The following SCN8A variants were observed in gnomAD, a reference collection of about 807,000 sequenced individuals.
SCN8A encodes the protein sodium voltage-gated channel alpha subunit 8.
A neutral mutation model predicts 184.1 loss-of-function variants in SCN8A; 30 were observed. The observed-to-expected ratio is 0.16, with a 90% CI of 0.12 to 0.22. The LOEUF is 0.22. SCN8A is among the 10% of genes least tolerant of loss of function. SCN8A has a pLI of 1.00. For missense variants in SCN8A, 1,057 were observed against 2,498.9 expected (o/e 0.42, Z 12.30); for synonymous variants, 852 against 907.0 (o/e 0.94, Z 1.09).
chr12:51,630,836 A>G (rs969951939), intron 1 of SCN8A, among the ~76,000 whole-genome samples: 17 of 152,124 alleles, frequency 1.1e-4, no homozygotes, highest in Admixed American at 8.5e-4. Context: ...ACAATTTCCA[A>G]TCAATGTTCT....
At chr12:51,638,488 CT>C (rs764486546) in intron 1 of SCN8A, among the ~76,000 whole-genome samples, 555 of 139,554 alleles carry the variant, frequency 4.0e-3, no homozygotes, top group East Asian at 0.013. Context: ...GGAGTTATTC[CT>C]TTTTTTTTTT....
chr12:51,793,393 A>G (rs1440473669), intron 25 of SCN8A, among the ~76,000 whole-genome samples: 1 of 152,150 alleles, frequency 6.6e-6, no homozygotes, highest in Non-Finnish European at 1.5e-5. Context: ...CTTTGGACTT[A>G]ACTGTGAGAG....
chr12:51,713,552 A>T, intron 11 of SCN8A: 4 of 733,760 alleles, frequency 5.5e-6, no homozygotes, highest in Non-Finnish European at 9.9e-6. Flanking sequence ...TGCCGGTGGC[A>T]ATGTCGACGG....
intron 19 of SCN8A, 73 bp from the exon 20 acceptor site, chr12:51,774,116 T>G: frequency 6.9e-7 from 1 of 1,443,058 alleles, no homozygotes; most frequent in Non-Finnish European, 9.5e-7. Context: ...GACGGCTCCC[T>G]GAGGATAGCA....
intron 11 of SCN8A, among the ~76,000 whole-genome samples, chr12:51,721,106 T>TATATATATATATAA (rs1179556945): frequency 3.1e-4 from 33 of 106,098 alleles, no homozygotes; most frequent in African/African-American, 1.0e-3. Flanking sequence ...TATATATATA[T>TATATATATATATAA]AATATTTATT....
chr12:51,709,212 AT>A, intron 11 of SCN8A, among the ~76,000 whole-genome samples: 1 of 152,352 alleles, frequency 6.6e-6, no homozygotes, highest in Non-Finnish European at 1.5e-5. Context: ...AGTTTGAATT[AT>A]TTGTTGGATA....
chr12:51,633,661 G>A (rs978971593), intron 1 of SCN8A, among the ~76,000 whole-genome samples: 1 of 152,138 alleles, frequency 6.6e-6, no homozygotes, highest in Non-Finnish European at 1.5e-5. Context: ...GGCAGTTGGG[G>A]TGTACTCACT....
chr12:51,648,575 C>G (rs2138646872), intron 1 of SCN8A, among the ~76,000 whole-genome samples: 1 of 152,190 alleles, frequency 6.6e-6, no homozygotes, highest in East Asian at 1.9e-4. Flanking sequence ...AGGCGAAAGG[C>G]AATTCTTACA....
intron 1 of SCN8A, among the ~76,000 whole-genome samples, chr12:51,649,977 T>C (rs1940673676): frequency 6.6e-6 from 1 of 152,214 alleles, no homozygotes; most frequent in African/African-American, 2.4e-5. Context: ...AGCATCCAAG[T>C]CACCTCTTGA....
intron 1 of SCN8A, 54 bp from the exon 2 acceptor site, chr12:51,662,710 C>A: frequency 3.6e-6 from 4 of 1,114,738 alleles, no homozygotes; most frequent in Admixed American, 4.4e-5. Context: ...TTTAGTCTGG[C>A]CTCTTTTTAG....
chr12:51,805,408 ACCC>A (rs1157644502), intron 26 of SCN8A, among the ~76,000 whole-genome samples: 1 of 151,872 alleles, frequency 6.6e-6, no homozygotes, highest in East Asian at 1.9e-4. Context: ...ACATAGCAAG[ACCC>A]CCATCTCTAC....
chr12:51,648,616 A>G (rs1225314416), intron 1 of SCN8A, among the ~76,000 whole-genome samples: 1 of 152,182 alleles, frequency 6.6e-6, no homozygotes, highest in Non-Finnish European at 1.5e-5. Context: ...GAAAAGATGC[A>G]AAAGCGGAAA....
At chr12:51,745,862 C>G (rs1043175927) in intron 12 of SCN8A, 41 bp from the exon 13 acceptor site, 40 of 1,496,182 alleles carry the variant, frequency 2.7e-5, no homozygotes, top group Non-Finnish European at 3.6e-5. Context: ...CCTTTATAGA[C>G]TTAACTCACT....
At chr12:51,650,474 C>A (rs150236615) in intron 1 of SCN8A, among the ~76,000 whole-genome samples, 11 of 151,396 alleles carry the variant, frequency 7.3e-5, no homozygotes, top group Admixed American at 6.6e-4. Context: ...GCTGAGGAGG[C>A]CTCACGATCA....
In SCN8A at chr12:51,751,609, G is replaced by C. The variant is rs1474080532; in HGVS notation, c.2370+16G>C. ...AGGAAATCTGGTAAGATGGAACACT[G>C]TCTCCCGATATTAGGATTGGAATGT... On this transcript the variant is annotated intron_variant, in intron 14 of 26. Transcript: ENST00000627620. The C allele has an allele frequency of 1.3e-6, 2 of 1,552,918 alleles. No homozygotes were observed. Among genetic ancestry groups the C allele is most frequent in the East Asian group, 4.5e-5 (2 of 44,558 alleles).
intron 11 of SCN8A, chr12:51,713,430 G>T (rs1941914371): frequency 1.0e-5 from 8 of 799,404 alleles, no homozygotes; most frequent in Admixed American, 5.1e-5. Flanking sequence ...CTGTGAGTGT[G>T]CCCCATTTCT....
At chr12:51,721,105 A>ATATATATATATATATATATG (rs1565899386) in intron 11 of SCN8A, among the ~76,000 whole-genome samples, 2 of 107,892 alleles carry the variant, frequency 1.9e-5, no homozygotes, top group African/African-American at 7.5e-5. Context: ...ATATATATAT[A>ATATATATATATATATATATG]TAATATTTAT....
intron 21 of SCN8A, among the ~76,000 whole-genome samples, chr12:51,784,550 C>T (rs1016334099): frequency 3.3e-5 from 5 of 152,036 alleles, no homozygotes; most frequent in Non-Finnish European, 7.4e-5. Context: ...CAGAGTGAGA[C>T]CCTTTCTCAA....
At chr12:51,766,921 G>A (rs1391767268) in intron 16 of SCN8A, among the ~76,000 whole-genome samples, 1 of 152,096 alleles carries the variant, frequency 6.6e-6, no homozygotes, top group Non-Finnish European at 1.5e-5. Context: ...CAAGTGTAGG[G>A]CAAAGAGGAC....
Sources: allele counts gnomAD v4.1 joint callset (sites outside exome capture counted in the v4.1 genomes callset), GRCh38; gene constraint gnomAD v4.1.1; transcripts MANE v1.5; gene names NCBI Gene and HGNC (gene_info 2026-07-23, HGNC 2026-07-21).